Variants in MACF1 observed in about 807,000 individuals in gnomAD.
The protein encoded by MACF1 is microtubule-actin cross-linking factor 1.
Under a neutral mutation model 854.8 loss-of-function variants are expected in MACF1, and 193 were observed. That is an observed-to-expected ratio of 0.23 (90% CI 0.20 to 0.25). The LOEUF (loss-of-function observed/expected upper bound fraction) is 0.25, where lower values mean the gene tolerates loss of function less well. Ranked by LOEUF, MACF1 falls within the 10% of genes least tolerant of loss-of-function variation. The pLI is 1.00. For synonymous variants in MACF1, 3,185 were observed against 3,226.7 expected, an observed-to-expected ratio of 0.99 and a Z score of 0.44; for missense variants, 7,722 against 8,929.1, an observed-to-expected ratio of 0.86 and a Z score of 5.45.
Position 39,322,897 on chromosome 1 carries a change from T to C in MACF1, c.4138-13T>C. ...GGCAGACGATTTATTTAAATTGTTC[T>C]TTTGAACCACAGTTCATGGACTTAA... is the stretch of plus-strand genomic sequence containing the variant. On this transcript the variant is annotated splice_polypyrimidine_tract_variant and intron_variant, in intron 32 of 100. Transcript: ENST00000564288. 4 of 1,609,888 alleles carry C rather than the reference T, an allele frequency of 2.5e-6. No individual in the cohort carries two copies. The highest frequency in any genetic ancestry group is 3.4e-6 in the Non-Finnish European group (4 of 1,176,094).
At chr1:39,386,677 G>A (rs981669202) in intron 57 of MACF1, among the ~76,000 whole-genome samples, 5 of 152,110 alleles carry the variant, frequency 3.3e-5, no homozygotes, top group East Asian at 1.9e-4. Context: ...TGATCTGCCC[G>A]CCTTGGCCTC....
At chr1:39,203,765 T>C (rs1279962118), upstream of MACF1, among the ~76,000 whole-genome samples, 1 of 152,238 alleles carries the variant, frequency 6.6e-6, no homozygotes, top group Non-Finnish European at 1.5e-5. Flanking sequence ...TGTCGTCGTA[T>C]GTATCAGTAG....
chr1:39,467,504 C>G (rs1275185813), intron 95 of MACF1, among the ~76,000 whole-genome samples: 1 of 152,128 alleles, frequency 6.6e-6, no homozygotes, highest in Non-Finnish European at 1.5e-5. Context: ...TTTGTTGCTC[C>G]TTACTTCATT....
chr1:39,394,796 A>G (rs1642207349), intron 58 of MACF1, among the ~76,000 whole-genome samples: 2 of 152,144 alleles, frequency 1.3e-5, no homozygotes, highest in African/African-American at 4.8e-5. Flanking sequence ...AAATGAGGTT[A>G]GCGTTATCTA....
At chr1:39,427,903 G>A in intron 62 of MACF1, 58 bp from the exon 63 acceptor site, 1 of 1,292,816 alleles carries the variant, frequency 7.7e-7, no homozygotes, top group Non-Finnish European at 1.1e-6. Flanking sequence ...TCATCATTTT[G>A]TGTTTACTTT....
chr1:39,424,169 G>T lies in MACF1; in HGVS notation c.16291G>T (p.Glu5431Ter). ...GGAGAGTCTTGAAAGTAGATGGACTGAACTACTCAGTAAGGCAGCAGCCAG... is the reference window on the plus strand; with the variant it reads ...GGAGAGTCTTGAAAGTAGATGGACTTAACTACTCAGTAAGGCAGCAGCCAG... ...QLESLESRWT[E>*]LLSKAAARQK... The change falls in exon 61 of 101, where the codon GAA (glutamate) becomes TAA (stop). Residue 5431 changes from glutamate to a stop codon, truncating the protein, a stop_gained. Transcript: ENST00000564288. LOFTEE classifies it high-confidence loss of function. 1 of 1,613,628 alleles carries T rather than the reference G, an allele frequency of 6.2e-7. No individual in the cohort carries two copies. Among genetic ancestry groups the T allele is most frequent in the South Asian group, 1.1e-5 (1 of 91,006 alleles).
intron 18 of MACF1, 46 bp from the exon 19 acceptor site, chr1:39,295,000 C>A: frequency 7.3e-7 from 1 of 1,368,008 alleles, no homozygotes; most frequent in Non-Finnish European, 1.0e-6. Flanking sequence ...TATCCGCTCC[C>A]CACTGCCAAG....
intron 2 of MACF1, among the ~76,000 whole-genome samples, chr1:39,162,295 C>T (rs1411071993): frequency 6.6e-6 from 1 of 152,184 alleles, no homozygotes; most frequent in East Asian, 1.9e-4. Context: ...AGCCACTGTG[C>T]TCGGCCTCTG....
intron 41 of MACF1, 54 bp from the exon 42 acceptor site, chr1:39,349,424 A>G: frequency 1.9e-6 from 3 of 1,546,052 alleles, no homozygotes; most frequent in Non-Finnish European, 2.6e-6. Context: ...AGTTTCTTGT[A>G]TTTGCAAAAT....
chr1:39,484,615 A>T lies in MACF1; in HGVS notation c.22296A>T (p.Ser7432=). ...QLPTPEVIPS[S]GSKLKRPTPT... is the part of the protein sequence containing the mutation. The stretch of plus-strand genomic sequence containing the variant: ...TTTTTTTTAAGGTTATCCCATCATC[A>T]GGTAGCAAGTTGAAACGACCAACAC... Residue 7432 remains serine, a synonymous_variant, in exon 100 of 101, where the codon TCA becomes TCT. Coordinates refer to ENST00000564288, the MANE Select transcript of MACF1 (RefSeq NM_001394062.1). 6.2e-7 allele frequency: 1 copy of T among 1,613,560 alleles called. No individual in the cohort carries two copies. The highest frequency in any genetic ancestry group is 8.5e-7 in the Non-Finnish European group (1 of 1,179,714).
chr1:39,192,411 G>T (rs75851949), intron 2 of MACF1, among the ~76,000 whole-genome samples: 3,469 of 152,206 alleles, frequency 0.023, 77 homozygotes, highest in East Asian at 0.13. Context: ...TCTCTATAAG[G>T]ACTCATCACA....
At position 39,331,210 on chromosome 1, in the gene MACF1, G is replaced by A; in HGVS notation, c.4622G>A (p.Arg1541Lys). The A allele has an allele frequency of 7.7e-7, 1 of 1,298,702 alleles. No homozygotes were observed. The highest frequency in any genetic ancestry group is 1.0e-6 in the Non-Finnish European group (1 of 953,184). The allele number at this position is 1,298,702 out of a possible 1,614,324, so 80.4% of individuals were successfully genotyped here. Residue 1541 changes from arginine (R) to lysine (K), a missense_variant, in exon 37 of 101, where the codon AGA (arginine) becomes AAA (lysine). Around this residue, in one of 15 missense-constraint regions of MACF1, gnomAD observed 1,531 missense variants for 1,601.6 expected, o/e 0.96. Transcript: ENST00000564288. The part of the protein sequence containing the change: ...LAHQTEQKEC[R>K]AVAGVIDLGT... ...TTTTTTTTTTTTTTTTAGGAATGCA[G>A]AGCAGTTGCTGGGGTGATTGACCTA...
At chr1:39,233,797 T>TA (rs1553175693) in intron 2 of MACF1, among the ~76,000 whole-genome samples, 8 of 78,790 alleles carry the variant, frequency 1.0e-4, no homozygotes, top group East Asian at 3.3e-4. Context: ...TTTTTTTTTT[T>TA]ATTTATTTTT....
intron 15 of MACF1, among the ~76,000 whole-genome samples, chr1:39,289,693 C>CTTTTT (rs58188740): frequency 0.1 from 3,009 of 28,936 alleles, 1,220 homozygotes; most frequent in Non-Finnish European, 0.14. Flanking sequence ...GTGGGTTGTC[C>CTTTTT]TTTTTTTTTT....
chr1:39,096,323 A>G (rs1239297232), intron 2 of MACF1, among the ~76,000 whole-genome samples: 1 of 151,954 alleles, frequency 6.6e-6, no homozygotes, highest in African/African-American at 2.4e-5. Flanking sequence ...GTGCCTCAAC[A>G]TTATAGCAGA....
intron 2 of MACF1, among the ~76,000 whole-genome samples, chr1:39,092,555 C>G (rs139951662): frequency 8.7e-4 from 133 of 152,346 alleles, no homozygotes; most frequent in African/African-American, 2.9e-3. Flanking sequence ...TGGCCCTCAA[C>G]ATGTACAATA....
At chr1:39,477,068 T>TACACACACACACAC (rs1424581152) in intron 97 of MACF1, among the ~76,000 whole-genome samples, 2 of 19,504 alleles carry the variant, frequency 1.0e-4, no homozygotes, top group African/African-American at 2.3e-4. Flanking sequence ...TATATATATA[T>TACACACACACACAC]ATATATATAT....
intron 2 of MACF1, among the ~76,000 whole-genome samples, chr1:39,141,100 T>G (rs1643336290): frequency 6.6e-6 from 1 of 152,072 alleles, no homozygotes; most frequent in African/African-American, 2.4e-5. Context: ...GTTTCACAAT[T>G]TGCTCTAGAA....
At chr1:39,093,305 C>CTTTTT (rs34921076) in intron 2 of MACF1, among the ~76,000 whole-genome samples, 4 of 54,122 alleles carry the variant, frequency 7.4e-5, no homozygotes, top group Non-Finnish European at 1.3e-4. Context: ...TACTCCACTT[C>CTTTTT]TTTTTTTTTT....
Sources: allele counts gnomAD v4.1 joint callset (sites outside exome capture counted in the v4.1 genomes callset), GRCh38; gene constraint gnomAD v4.1.1; regional missense constraint gnomAD v4.1.1; transcripts MANE v1.5; gene names NCBI Gene and HGNC (gene_info 2026-07-23, HGNC 2026-07-21).